The following ZNF518A variants were observed in gnomAD, a reference collection of about 807,000 sequenced individuals.
The protein encoded by ZNF518A is zinc finger protein 518A, also known as zinc finger protein 518.
ZNF518A carries 47 observed loss-of-function variants against 102.7 expected under a neutral mutation model. The observed-to-expected ratio is 0.46, with a 90% CI of 0.36 to 0.58. ZNF518A has a LOEUF of 0.58. Ranked by LOEUF, ZNF518A falls within the 20% of genes least tolerant of loss-of-function variation. ZNF518A has a pLI of 0.00. For synonymous variants in ZNF518A, 652 were observed against 594.6 expected, an observed-to-expected ratio of 1.10 and a Z score of -1.40; for missense variants, 1,793 against 1,699.8, an observed-to-expected ratio of 1.05 and a Z score of -0.96.
chr10:96,204,903 G>A (rs2083755454), downstream of ZNF518A: 1 of 390,270 alleles, frequency 2.6e-6, no homozygotes, highest in African/African-American at 2.1e-5. Context: ...GAAACTTTAA[G>A]TGTGTGAGTA....
chr10:96,204,462 G>A, downstream of ZNF518A: 7 of 1,486,944 alleles, frequency 4.7e-6, no homozygotes, highest in Non-Finnish European at 6.6e-6. Flanking sequence ...TCACTGTGCA[G>A]TGAAACAATG....
At chr10:96,173,552 A>G (rs1204982709) in intron 1 of ZNF518A, among the ~76,000 whole-genome samples, 3 of 152,182 alleles carry the variant, frequency 2.0e-5, no homozygotes, top group East Asian at 3.8e-4. Context: ...TTATAACAGT[A>G]AAAGTGTCAA....
At chr10:96,154,463 CTTTTT>C (rs1389327009) in intron 3 of ZNF518A, among the ~76,000 whole-genome samples, 1 of 145,046 alleles carries the variant, frequency 6.9e-6, no homozygotes, top group Non-Finnish European at 1.5e-5. Flanking sequence ...GCCTTCTTTT[CTTTTT>C]TTTCTTTTCT....
At chr10:96,149,749 A>G (rs2082340547) in intron 3 of ZNF518A, among the ~76,000 whole-genome samples, 1 of 152,040 alleles carries the variant, frequency 6.6e-6, no homozygotes, top group Non-Finnish European at 1.5e-5. Context: ...GCTGTAAGGG[A>G]TTCTAAATAT....
In ZNF518A at chr10:96,159,874, G is replaced by C. The variant is rs190393075; in HGVS notation, c.3552G>C (p.Gln1184His). The C allele has an allele frequency of 3.1e-6, 5 of 1,613,508 alleles. No homozygotes were observed. In the East Asian group the frequency reaches 1.1e-4, roughly 36 times the overall value. ...VPSNQIIGGEQKEPESRDALP... is the reference protein window; with the variant it reads ...VPSNQIIGGEHKEPESRDALP... ...CTAATCAGATTATAGGAGGAGAGCA[G>C]AAAGAGCCAGAATCTAGAGATGCCT... is the stretch of plus-strand genomic sequence containing the variant. The change falls in exon 6 of 6, where the codon CAG becomes CAC. Residue 1184 changes from glutamine to histidine, a missense_variant. Physicochemically the swap from Gln to His is conservative, Grantham distance 24. Around this residue, in one of 3 missense-constraint regions of ZNF518A, gnomAD observed 1,741 missense variants for 1,622.6 expected, o/e 1.07. Transcript: ENST00000316045.
At chr10:96,135,191 A>G (rs1384402273) in intron 3 of ZNF518A, 2 of 152,170 alleles carry the variant, frequency 1.3e-5, no homozygotes, top group Non-Finnish European at 2.9e-5. Context: ...ATTCTTTACC[A>G]CGTGTATGAA....
At position 96,159,660 on chromosome 10, in the gene ZNF518A, AT is replaced by A; in HGVS notation, c.3339del (p.Asn1113LysfsTer10). 1 of 1,613,656 alleles carries A rather than the reference AT, an allele frequency of 6.2e-7. No homozygotes were observed. Among genetic ancestry groups the A allele is most frequent in the Non-Finnish European group, 8.5e-7 (1 of 1,179,796 alleles). On this transcript the variant is annotated frameshift_variant, in exon 6 of 6. Coordinates refer to ENST00000316045, the MANE Select transcript of ZNF518A (RefSeq NM_001330736.2). LOFTEE classifies it high-confidence loss of function. ...GTTTTTTTAAAGTGTGTGATGCCAAATAAAACTGAGCTGCTTAAGCCCAAAT... is the reference window on the plus strand; with the variant it reads ...GTTTTTTTAAAGTGTGTGATGCCAAAAAAACTGAGCTGCTTAAGCCCAAAT... ...QAVFLKCVMP[N>X]KTELLKPKLV...
intron 3 of ZNF518A, among the ~76,000 whole-genome samples, chr10:96,144,370 G>A (rs1347435175): frequency 2.6e-5 from 4 of 151,934 alleles, no homozygotes; most frequent in Non-Finnish European, 5.9e-5. Flanking sequence ...ACTTCTTTCT[G>A]TATAATTTCA....
At position 96,156,495 on chromosome 10, in the gene ZNF518A, C is replaced by T. The variant is rs1057074036; in HGVS notation, c.173C>T (p.Pro58Leu). The change falls in exon 6 of 6, where the codon CCA (proline) becomes CTA (leucine). Residue 58 changes from proline (P) to leucine (L), a missense_variant. Physicochemically the swap from Pro to Leu is moderately conservative, Grantham distance 98. Transcript: ENST00000316045. ...VKIDLPKINI[P>L]NEVLLKHEVD... ...ATTGATTTGCCAAAAATAAATATTC[C>T]AAATGAAGTCCTATTGAAACATGAA... 1 of 1,610,140 alleles carries T rather than the reference C, an allele frequency of 6.2e-7. No individual in the cohort carries two copies. The highest frequency in any genetic ancestry group is 8.5e-7 in the Non-Finnish European group (1 of 1,178,928).
rs905790779 is a variant in ZNF518A at position 96,156,207 on chromosome 10, G to A, written c.-116G>A. On this transcript the variant is annotated 5_prime_UTR_variant, in exon 6 of 6. The change creates a new upstream start codon in the 5' untranslated region. Coordinates refer to ENST00000316045, the MANE Select transcript of ZNF518A (RefSeq NM_001330736.2). ...TTTGTTTAATTTTAGGTGAGTTATTGTGGGAAAAATCCTGTATATTGAAGA... is the reference window on the plus strand; with the variant it reads ...TTTGTTTAATTTTAGGTGAGTTATTATGGGAAAAATCCTGTATATTGAAGA... 1.1e-6 allele frequency: 1 copy of A among 930,818 alleles called. No individual in the cohort carries two copies. Among genetic ancestry groups the A allele is most frequent in the African/African-American group, 1.7e-5 (1 of 58,756 alleles). 57.7% of individuals were successfully genotyped at this position (930,818 alleles called of 1,614,324 possible). A position where few individuals can be genotyped will look rare whatever the true frequency, so the allele number is the denominator to read the frequency against.
chr10:96,150,469 A>G (rs868924115), intron 3 of ZNF518A, among the ~76,000 whole-genome samples: 1 of 151,354 alleles, frequency 6.6e-6, no homozygotes, highest in African/African-American at 2.4e-5. Context: ...TTTTACAAGA[A>G]TAAGTTGTAG....
intron 1 of ZNF518A, among the ~76,000 whole-genome samples, chr10:96,195,715 C>T (rs2083448574): frequency 6.6e-6 from 1 of 152,156 alleles, no homozygotes; most frequent in South Asian, 2.1e-4. Flanking sequence ...TGAACAAGTT[C>T]TGGAGATCTG....
In ZNF518A at chr10:96,158,889, A is replaced by G. The variant is rs782641609; in HGVS notation, c.2567A>G (p.Asn856Ser). The change falls in exon 6 of 6, where the codon AAT becomes AGT. Residue 856 changes from asparagine (N) to serine (S), a missense_variant. This residue lies in a region of ZNF518A where 1,741 missense variants were observed against 1,622.6 expected (regional missense o/e 1.07). Coordinates refer to ENST00000316045, the MANE Select transcript of ZNF518A (RefSeq NM_001330736.2). ...ATTAATGTGCCTACAAATGATTTGA[A>G]TTTGAAATTTGGAAAAGAAAAACAA... ...VGINVPTNDL[N>S]LKFGKEKQVS... 3.7e-6 allele frequency: 6 copies of G among 1,613,588 alleles called. No homozygotes were observed. The highest frequency in any genetic ancestry group is 4.2e-6 in the Non-Finnish European group (5 of 1,179,692).
chr10:96,138,935 G>A lies in ZNF518A; in HGVS notation c.-302+5287G>A, dbSNP rs587668661. ...AAGAAATAGAAAAGGATAAAGTGGCGAATTTTTTTTTTTTTTTTTTTTTTG... is the reference window on the plus strand; with the variant it reads ...AAGAAATAGAAAAGGATAAAGTGGCAAATTTTTTTTTTTTTTTTTTTTTTG... On this transcript the variant is annotated intron_variant, in intron 3 of 5. Coordinates refer to ENST00000316045, the MANE Select transcript of ZNF518A (RefSeq NM_001330736.2). Among the ~76,000 whole-genome samples the A allele has an allele frequency of 4.5e-3, 658 of 147,140 alleles. 2 individuals carry two copies. The highest frequency in any genetic ancestry group is 7.1e-3 in the Middle Eastern group (2 of 280).
intron 1 of ZNF518A, among the ~76,000 whole-genome samples, chr10:96,175,696 AGTCT>A (rs1227706918): frequency 6.6e-6 from 1 of 152,156 alleles, no homozygotes; most frequent in Non-Finnish European, 1.5e-5. Flanking sequence ...TTCAGGTCAA[AGTCT>A]GTCTTTTAGA....
intron 1 of ZNF518A, among the ~76,000 whole-genome samples, chr10:96,180,176 G>T (rs1428479685): frequency 8.9e-6 from 1 of 112,860 alleles, no homozygotes; most frequent in Admixed American, 1.0e-4. Flanking sequence ...CACAGCTCCA[G>T]CCTCTTTTTT....
chr10:96,157,708 T>C lies in ZNF518A; in HGVS notation c.1386T>C (p.Pro462=). Residue 462 remains proline, a synonymous_variant, in exon 6 of 6, where the codon CCT becomes CCC. Coordinates refer to ENST00000316045, the MANE Select transcript of ZNF518A (RefSeq NM_001330736.2). ...GKQHIVLKLV[P]IKQNVCSPGS... Reference sequence around the variant, plus strand: ...AGCATATTGTATTAAAATTGGTGCCTATCAAACAAAATGTATGTTCACCAG... The same window carrying C: ...AGCATATTGTATTAAAATTGGTGCCCATCAAACAAAATGTATGTTCACCAG... 1 of 1,613,812 alleles carries C rather than the reference T, an allele frequency of 6.2e-7. No homozygotes were observed. Among genetic ancestry groups the C allele is most frequent in the East Asian group, 2.2e-5 (1 of 44,894 alleles).
At chr10:96,189,018 C>CT (rs1260654812) in intron 1 of ZNF518A, among the ~76,000 whole-genome samples, 5 of 152,062 alleles carry the variant, frequency 3.3e-5, no homozygotes, top group South Asian at 2.1e-4. Flanking sequence ...ATGTCGTAAT[C>CT]TTTTTTTTCA....
intron 1 of ZNF518A, among the ~76,000 whole-genome samples, chr10:96,172,001 A>G (rs1300534734): frequency 6.6e-6 from 1 of 152,146 alleles, no homozygotes; most frequent in Non-Finnish European, 1.5e-5. Flanking sequence ...AACATATTCA[A>G]AGTTTTGAAA....
Sources: allele counts gnomAD v4.1 joint callset (sites outside exome capture counted in the v4.1 genomes callset), GRCh38; gene constraint gnomAD v4.1.1; regional missense constraint gnomAD v4.1.1; transcripts MANE v1.5; gene names NCBI Gene and HGNC (gene_info 2026-07-23, HGNC 2026-07-21).